ADGRL2: variants seen among roughly 807,000 people sequenced by gnomAD.
ADGRL2 encodes the protein calcium-independent alpha-latrotoxin receptor 2.
A neutral mutation model predicts 157.4 loss-of-function variants in ADGRL2; 44 were observed. The ratio of observed to expected loss-of-function variants is 0.28; its 90% CI spans 0.22 to 0.36. The LOEUF is 0.36. Ranked by LOEUF, ADGRL2 falls within the 10% of genes least tolerant of loss-of-function variation. The pLI is 1.00. For missense variants in ADGRL2, 1,510 were observed against 1,768.9 expected (o/e 0.85, Z 2.63); for synonymous variants, 585 against 624.7 (o/e 0.94, Z 0.95).
chr1:81,818,773 G>A (rs928222974), intron 1 of ADGRL2, among the ~76,000 whole-genome samples: 1 of 152,094 alleles, frequency 6.6e-6, no homozygotes, highest in Non-Finnish European at 1.5e-5. Context: ...AAAATGAAGT[G>A]CAGAGAAAAG....
chr1:81,452,022 GTTTTC>G (rs1047500040), intron 2 of ADGRL2, among the ~76,000 whole-genome samples: 1 of 152,076 alleles, frequency 6.6e-6, no homozygotes, highest in Non-Finnish European at 1.5e-5. Flanking sequence ...ATGGAAGATT[GTTTTC>G]TTGTTCAACT....
At chr1:81,537,855 A>G (rs1039476805) in intron 2 of ADGRL2, among the ~76,000 whole-genome samples, 4 of 151,880 alleles carry the variant, frequency 2.6e-5, no homozygotes, top group Admixed American at 2.0e-4. Context: ...GTTCACCACC[A>G]CGCCCAGCTA....
At chr1:81,403,182 T>C (rs898417503) in intron 1 of ADGRL2, among the ~76,000 whole-genome samples, 2 of 151,268 alleles carry the variant, frequency 1.3e-5, no homozygotes, top group South Asian at 2.1e-4. Context: ...ATAGTAACAA[T>C]AAAAAGAAAA....
intron 1 of ADGRL2, among the ~76,000 whole-genome samples, chr1:81,808,058 G>T (rs1269514397): frequency 6.6e-6 from 1 of 151,852 alleles, no homozygotes; most frequent in African/African-American, 2.4e-5. Flanking sequence ...CTTAACATCT[G>T]CAAGTAAAGT....
chr1:81,399,679 G>A (rs1388599222), intron 1 of ADGRL2, among the ~76,000 whole-genome samples: 1 of 151,988 alleles, frequency 6.6e-6, no homozygotes, highest in African/African-American at 2.4e-5. Context: ...TTCATACTAT[G>A]AATTGTTTTC....
At chr1:81,711,521 A>G (rs2083927981) in intron 1 of ADGRL2, among the ~76,000 whole-genome samples, 1 of 152,182 alleles carries the variant, frequency 6.6e-6, no homozygotes, top group African/African-American at 2.4e-5. Context: ...GATTTCTTAA[A>G]ATTAGCAATG....
At chr1:81,503,611 C>A (rs990841737) in intron 2 of ADGRL2, 93 of 893,548 alleles carry the variant, frequency 1.0e-4, no homozygotes, top group Non-Finnish European at 1.5e-4. Flanking sequence ...GTCCGTCTGT[C>A]CAGGCTCCAT....
chr1:81,651,119 C>T (rs2082411648), intron 3 of ADGRL2, among the ~76,000 whole-genome samples: 1 of 152,152 alleles, frequency 6.6e-6, no homozygotes, highest in Non-Finnish European at 1.5e-5. Context: ...GCTATCATTA[C>T]ATTTTGTAGT....
At chr1:81,589,690 G>A (rs2081094997) in intron 3 of ADGRL2, among the ~76,000 whole-genome samples, 1 of 152,020 alleles carries the variant, frequency 6.6e-6, no homozygotes. Flanking sequence ...TATGAAAGTA[G>A]TATTTATTTA....
In ADGRL2 at chr1:81,624,922, A is replaced by G. The variant is rs989876292; in HGVS notation, c.-143+43942A>G. ...TTATTTTACATCCATCATTAAGCTT[A>G]TACTTTGTCTAGACACTGGGAAGCT... On this transcript the variant is annotated intron_variant, in intron 3 of 24. Transcript: ENST00000370721. Among the ~76,000 whole-genome samples, 6 of 152,346 alleles carry G rather than the reference A, an allele frequency of 3.9e-5. No homozygotes were observed. The East Asian group carries it at 9.7e-4, about 25-fold the overall frequency.
intron 3 of ADGRL2, among the ~76,000 whole-genome samples, chr1:81,669,410 C>G (rs1217615588): frequency 6.6e-6 from 1 of 152,062 alleles, no homozygotes; most frequent in Middle Eastern, 3.2e-3. Flanking sequence ...TGTAGCAAGA[C>G]TCCATCTCTA....
chr1:81,896,171 G>C (rs1052368479), intron 2 of ADGRL2, among the ~76,000 whole-genome samples: 9 of 152,098 alleles, frequency 5.9e-5, no homozygotes, highest in Non-Finnish European at 1.0e-4. Flanking sequence ...GTAATTGTTT[G>C]CTAGTTTCTT....
chr1:81,640,063 T>C (rs2082188757), intron 3 of ADGRL2, among the ~76,000 whole-genome samples: 1 of 152,190 alleles, frequency 6.6e-6, no homozygotes, highest in Admixed American at 6.5e-5. Flanking sequence ...CTTGGTATTA[T>C]CCTCCTGATA....
intron 1 of ADGRL2, among the ~76,000 whole-genome samples, chr1:81,333,781 T>A (rs74093311): frequency 0.016 from 2,301 of 139,866 alleles, 69 homozygotes; most frequent in African/African-American, 0.058. Context: ...AAAAAAAAAA[T>A]TCCTTACTTC....
intron 4 of ADGRL2, among the ~76,000 whole-genome samples, chr1:81,938,369 A>G (rs2095339756): frequency 6.6e-6 from 1 of 151,754 alleles, no homozygotes; most frequent in Non-Finnish European, 1.5e-5. Flanking sequence ...CCTGTAACCT[A>G]GTCTATAGAC....
chr1:81,464,902 T>G (rs2078020786), intron 2 of ADGRL2, among the ~76,000 whole-genome samples: 1 of 148,270 alleles, frequency 6.7e-6, no homozygotes, highest in African/African-American at 2.5e-5. Flanking sequence ...AAGGCTGTAG[T>G]CTTCAGAGAA....
chr1:81,835,900 C>T (rs1449503899), intron 1 of ADGRL2, among the ~76,000 whole-genome samples: 1 of 152,006 alleles, frequency 6.6e-6, no homozygotes, highest in Non-Finnish European at 1.5e-5. Context: ...TGTTTCAAAC[C>T]ATTTAACATC....
chr1:81,528,314 A>C (rs537183720), intron 2 of ADGRL2, among the ~76,000 whole-genome samples: 4 of 152,188 alleles, frequency 2.6e-5, no homozygotes, highest in Non-Finnish European at 5.9e-5. Context: ...CATGAGTGCT[A>C]TAGGAATTAG....
intron 2 of ADGRL2, among the ~76,000 whole-genome samples, chr1:81,790,535 G>C (rs1038837009): frequency 6.6e-6 from 1 of 152,172 alleles, no homozygotes; most frequent in Non-Finnish European, 1.5e-5. Context: ...TATATGTGGT[G>C]AGTACATTTA....
Sources: allele counts gnomAD v4.1 joint callset (sites outside exome capture counted in the v4.1 genomes callset), GRCh38; gene constraint gnomAD v4.1.1; transcripts MANE v1.5; gene names NCBI Gene and HGNC (gene_info 2026-07-23, HGNC 2026-07-21).